Variants in UBE2D2 observed in about 807,000 individuals in gnomAD.
UBE2D2 encodes ubiquitin conjugating enzyme E2 D2.
In UBE2D2, 2 loss-of-function variants were observed where a neutral mutation model predicts 24.2. That is an observed-to-expected ratio of 0.08 (90% confidence interval 0.03 to 0.26). UBE2D2 has a LOEUF of 0.26. Ranked by LOEUF, UBE2D2 falls within the 10% of genes least tolerant of loss-of-function variation. The pLI is 1.00. For missense variants in UBE2D2, 44 were observed against 177.6 expected, an observed-to-expected ratio of 0.25 and a Z score of 4.28; for synonymous variants, 58 against 56.5, an observed-to-expected ratio of 1.03 and a Z score of -0.12.
chr5:139,592,994 TC>T (rs1753875727), intron 1 of UBE2D2, among the ~76,000 whole-genome samples: 1 of 146,004 alleles, frequency 6.8e-6, no homozygotes. Flanking sequence ...ATTTCTTTTT[TC>T]CTTTTTTTTT....
At chr5:139,558,897 C>T (rs115685856), upstream of UBE2D2, among the ~76,000 whole-genome samples, 2,075 of 152,072 alleles carry the variant, frequency 0.014, 48 homozygotes, top group African/African-American at 0.047. Flanking sequence ...ACCACCCAGG[C>T]TCAAGCTATC....
chr5:139,546,843 TTCCTTCCTTCCTTCCTTCC>T (rs1474904084), intron 1 of UBE2D2, among the ~76,000 whole-genome samples: 3 of 146,732 alleles, frequency 2.0e-5, no homozygotes, highest in African/African-American at 7.5e-5. Flanking sequence ...CCTTCCTTCC[TTCCTTCCTTCCTTCCTTCC>T]TTCCTTCCTT....
At chr5:139,553,722 C>CT (rs1183992025) in intron 1 of UBE2D2, among the ~76,000 whole-genome samples, 2 of 152,118 alleles carry the variant, frequency 1.3e-5, no homozygotes, top group African/African-American at 4.8e-5. Flanking sequence ...TGTTTCTATA[C>CT]ATATATCCAA....
rs527336000 is a variant in UBE2D2, at chr5:139,535,290, CAA to C, written c.-64+8694_-64+8695del. On this transcript the variant is annotated intron_variant, in intron 1 of 6. Coordinates refer to the UBE2D2 transcript ENST00000511725. ...TGAAATCCCGTCTCTACTAAAAATA[CAA>C]AAAAAAAAAAAAAAAGAGACTTGCA... is the stretch of plus-strand genomic sequence containing the variant. 8.8e-4 allele frequency among the ~76,000 whole-genome samples: 67 copies of C among 76,486 alleles called. 1 individual carries two copies. The highest frequency in any genetic ancestry group is 2.3e-3 in the African/African-American group (49 of 21,334). The allele number at this position is 76,486 out of a possible 152,430, so 50.2% of individuals were successfully genotyped here. A position where few individuals can be genotyped will look rare whatever the true frequency, so the allele number is the denominator to read the frequency against.
intron 1 of UBE2D2, among the ~76,000 whole-genome samples, chr5:139,568,401 T>C (rs924409207): frequency 5.3e-5 from 8 of 151,816 alleles, no homozygotes; most frequent in Non-Finnish European, 1.0e-4. Flanking sequence ...GGCTCATGCC[T>C]GTAATCCCAG....
chr5:139,588,459 G>A (rs753519774), intron 1 of UBE2D2, among the ~76,000 whole-genome samples: 31 of 152,076 alleles, frequency 2.0e-4, no homozygotes, highest in Non-Finnish European at 4.6e-4. Context: ...TATTGTTAGT[G>A]GAGATGGGTT....
chr5:139,582,115 C>T (rs1007045248), intron 1 of UBE2D2, among the ~76,000 whole-genome samples: 5 of 151,592 alleles, frequency 3.3e-5, no homozygotes, highest in African/African-American at 9.7e-5. Context: ...GGACTGTAGG[C>T]ACTGTGGTGT....
intron 1 of UBE2D2, among the ~76,000 whole-genome samples, chr5:139,547,405 G>A (rs1257088349): frequency 2.0e-5 from 3 of 152,126 alleles, no homozygotes; most frequent in African/African-American, 4.8e-5. Flanking sequence ...TAGTAGAGAC[G>A]CGGTTTCACC....
At chr5:139,591,371 C>G (rs1370081167) in intron 1 of UBE2D2, among the ~76,000 whole-genome samples, 1 of 152,112 alleles carries the variant, frequency 6.6e-6, no homozygotes, top group East Asian at 1.9e-4. Flanking sequence ...CCACCCACCT[C>G]AGCCTCCCAA....
intron 1 of UBE2D2, among the ~76,000 whole-genome samples, chr5:139,574,735 C>CAAAAA (rs75539434): frequency 5.1e-4 from 36 of 70,614 alleles, no homozygotes; most frequent in Non-Finnish European, 8.0e-4. Context: ...GGTGGGGTGG[C>CAAAAA]AAAAAAAAAA....
At position 139,609,684 on chromosome 5, in the gene UBE2D2, T is replaced by TA. The variant is rs1266903858; in HGVS notation, c.89-4887dup. 1.7e-3 allele frequency among the ~76,000 whole-genome samples: 244 copies of TA among 142,808 alleles called. 3 individuals carry two copies. The highest frequency in any genetic ancestry group is 0.013 in the East Asian group (64 of 4,948). 93.7% of individuals were successfully genotyped at this position (142,808 alleles called of 152,430 possible). On this transcript the variant is annotated intron_variant, in intron 2 of 6. Coordinates refer to ENST00000398733, the MANE Select transcript of UBE2D2 (RefSeq NM_003339.3). ...TCACACCTGGCTGCGCATCTCTATT[T>TA]AAAAAAAAAAAAAAATTAATATTTT... is the stretch of plus-strand genomic sequence containing the variant.
At chr5:139,592,846 AC>A (rs903490582) in intron 1 of UBE2D2, among the ~76,000 whole-genome samples, 11 of 151,478 alleles carry the variant, frequency 7.3e-5, no homozygotes, top group Admixed American at 2.0e-4. Context: ...CTCGTGATCT[AC>A]CCACCTTGGC....
intron 1 of UBE2D2, among the ~76,000 whole-genome samples, chr5:139,592,545 T>C (rs1381404984): frequency 6.6e-6 from 1 of 151,838 alleles, no homozygotes; most frequent in East Asian, 1.9e-4. Flanking sequence ...TGTCAGTATC[T>C]CAGTTTTGAG....
chr5:139,549,606 C>T (rs936487162), intron 1 of UBE2D2, among the ~76,000 whole-genome samples: 4 of 152,188 alleles, frequency 2.6e-5, no homozygotes, highest in African/African-American at 4.8e-5. Context: ...ATCTGCAGCC[C>T]GCCATGCCTG....
intron 1 of UBE2D2, among the ~76,000 whole-genome samples, chr5:139,551,240 G>A (rs1426637045): frequency 1.3e-5 from 2 of 152,144 alleles, no homozygotes; most frequent in African/African-American, 4.8e-5. Context: ...CAGCTACCCA[G>A]GAGGCTAAGG....
intron 1 of UBE2D2, among the ~76,000 whole-genome samples, chr5:139,597,940 C>T (rs562884801): frequency 9.9e-5 from 15 of 152,270 alleles, no homozygotes; most frequent in East Asian, 1.9e-4. Context: ...CTCGCTCTGT[C>T]GCCCAGGCTG....
intron 1 of UBE2D2, among the ~76,000 whole-genome samples, chr5:139,538,082 G>A (rs1402571048): frequency 4.6e-5 from 7 of 152,194 alleles, no homozygotes; most frequent in African/African-American, 1.7e-4. Flanking sequence ...CCTTGGGCTG[G>A]AGTGCAATGG....
chr5:139,587,237 T>G (rs1187586461), intron 1 of UBE2D2, among the ~76,000 whole-genome samples: 1 of 152,156 alleles, frequency 6.6e-6, no homozygotes, highest in African/African-American at 2.4e-5. Context: ...TGGCAAGCCT[T>G]TAGCCCAATC....
intron 1 of UBE2D2, chr5:139,562,246 C>T (rs1261658009): frequency 2.0e-5 from 27 of 1,364,704 alleles, no homozygotes; most frequent in Admixed American, 3.8e-5. Context: ...TGCCCTAGCT[C>T]CCTCCACAAA....
Sources: allele counts gnomAD v4.1 joint callset (sites outside exome capture counted in the v4.1 genomes callset), GRCh38; gene constraint gnomAD v4.1.1; transcripts MANE v1.5; gene names NCBI Gene and HGNC (gene_info 2026-07-23, HGNC 2026-07-21).